The following ASH1L variants were observed in gnomAD, a reference collection of about 807,000 sequenced individuals.
ASH1L encodes the protein ASH1 like histone lysine methyltransferase, also known as histone-lysine N-methyltransferase ASH1L.
ASH1L carries 23 observed loss-of-function variants against 269.0 expected under a neutral mutation model. The ratio of observed to expected loss-of-function variants is 0.09; its 90% CI spans 0.06 to 0.12. The LOEUF is 0.12. Among genes scored for constraint, ASH1L ranks in the 10% least tolerant of loss-of-function variants. The pLI is 1.00. For synonymous variants in ASH1L, 1,187 were observed against 1,253.5 expected (o/e 0.95, Z 1.12); for missense variants, 2,912 against 3,567.8 (o/e 0.82, Z 4.68).
intron 7 of ASH1L, among the ~76,000 whole-genome samples, chr1:155,394,457 A>G (rs1443169760): frequency 6.6e-6 from 1 of 152,208 alleles, no homozygotes; most frequent in Non-Finnish European, 1.5e-5. Flanking sequence ...TGGAAACACA[A>G]CTGGAAATAG....
intron 4 of ASH1L, chr1:155,440,654 T>A: frequency 3.4e-6 from 1 of 296,802 alleles, no homozygotes; most frequent in Non-Finnish European, 5.0e-6. Context: ...AATGCTATAG[T>A]TTTTAAAAAC....
intron 4 of ASH1L, among the ~76,000 whole-genome samples, chr1:155,440,107 C>T (rs374972937): frequency 6.6e-6 from 1 of 151,790 alleles, no homozygotes; most frequent in Admixed American, 6.6e-5. Flanking sequence ...GCCAGGAGTT[C>T]GAGACTAGCC....
chr1:155,536,785 G>A (rs1397717296), intron 1 of ASH1L, among the ~76,000 whole-genome samples: 1 of 152,024 alleles, frequency 6.6e-6, no homozygotes, highest in Non-Finnish European at 1.5e-5. Flanking sequence ...GCTCATGCCT[G>A]TAATCCCAGC....
intron 16 of ASH1L, among the ~76,000 whole-genome samples, chr1:155,353,647 T>A (rs1223025812): frequency 6.6e-6 from 1 of 152,108 alleles, no homozygotes; most frequent in Non-Finnish European, 1.5e-5. Flanking sequence ...AGAAAGGAAA[T>A]CTGATGGTTT....
At chr1:155,388,151 ATGGGGGAGGGCACTAAGGT>A (rs1418088200) in intron 7 of ASH1L, among the ~76,000 whole-genome samples, 1 of 152,212 alleles carries the variant, frequency 6.6e-6, no homozygotes, top group Non-Finnish European at 1.5e-5. Context: ...TCAGGAGGCC[ATGGGGGAGGGCACTAAGGT>A]CCCTGATCCA....
At position 155,482,435 on chromosome 1, in the gene ASH1L, C is replaced by T; in HGVS notation, c.435G>A (p.Leu145=). 6.2e-7 allele frequency: 1 copy of T among 1,611,744 alleles called. No homozygotes were observed. Among genetic ancestry groups the T allele is most frequent in the Non-Finnish European group, 8.5e-7 (1 of 1,178,864 alleles). ...HCPSKRDPSK[L]YKKADDVAAI... is the part of the protein sequence containing the mutation. ...CTGCAACATCATCTGCTTTCTTGTA[C>T]AACTTTGAAGGGTCCTAAAATTTGA... The change falls in exon 3 of 28, where the codon TTG becomes TTA. Residue 145 remains leucine, a synonymous_variant. Coordinates refer to ENST00000392403, the MANE Select transcript of ASH1L (RefSeq NM_018489.3).
In ASH1L at chr1:155,344,172, T is replaced by C. The variant is rs1189063219; in HGVS notation, c.7981+11A>G. 11 of 1,612,666 alleles carry C rather than the reference T, an allele frequency of 6.8e-6. No individual in the cohort carries two copies. The highest frequency in any genetic ancestry group is 1.3e-5 in the African/African-American group (1 of 74,878). On this transcript the variant is annotated intron_variant, in intron 22 of 27. Transcript: ENST00000392403. ...ACCTCTGACAAGTAGGATTAGCTCC[T>C]GTATACATACCCTGACGAAGCAGCA...
At chr1:155,515,571 T>C (rs1039278158) in intron 2 of ASH1L, among the ~76,000 whole-genome samples, 1 of 152,118 alleles carries the variant, frequency 6.6e-6, no homozygotes, top group Non-Finnish European at 1.5e-5. Context: ...CTCACTCCTA[T>C]AATCCCAGCA....
In ASH1L at chr1:155,481,639, A is replaced by T; in HGVS notation, c.1231T>A (p.Cys411Ser). Residue 411 changes from cysteine (C) to serine (S), a missense_variant, in exon 3 of 28, where the codon TGT (cysteine) becomes AGT (serine). Transcript: ENST00000392403. ...TTACTGATCAGACCTGCCAAAGGAC[A>T]ACTCATTAGTTTCTTTCCAATGTCC... ...NKDIGKKLMS[C>S]PLAGLISKDA... is the part of the protein sequence containing the mutation. 1 of 1,614,152 alleles carries T rather than the reference A, an allele frequency of 6.2e-7. No individual in the cohort carries two copies. Among genetic ancestry groups the T allele is most frequent in the Non-Finnish European group, 8.5e-7 (1 of 1,180,012 alleles).
intron 1 of ASH1L, among the ~76,000 whole-genome samples, chr1:155,555,250 A>G (rs932002714): frequency 1.3e-5 from 2 of 151,624 alleles, no homozygotes; most frequent in Admixed American, 1.3e-4. Context: ...TAATGCCAAC[A>G]GTTTGGGAGG....
chr1:155,357,429 A>G lies in ASH1L; in HGVS notation c.6961-19T>C. ...GGCCTCTCTGAAAAAGAGATGGATC[A>G]GATTAGAGATTTAAAAAAATATCAG... On this transcript the variant is annotated intron_variant, in intron 14 of 27. Transcript: ENST00000392403. 6.2e-7 allele frequency: 1 copy of G among 1,601,726 alleles called. No individual in the cohort carries two copies. Among genetic ancestry groups the G allele is most frequent in the Middle Eastern group, 1.7e-4 (1 of 6,024 alleles).
rs535875268 is a variant in ASH1L, at chr1:155,361,030, C to T, written c.6687-621G>A. The stretch of plus-strand genomic sequence containing the variant: ...CCGAGGCAGGTGGATCACCTGAGGT[C>T]GGGAGTTTGAGACCAGCGTGGCCAA... On this transcript the variant is annotated intron_variant, in intron 12 of 27. Transcript: ENST00000392403. 2.3e-3 allele frequency among the ~76,000 whole-genome samples: 350 copies of T among 151,664 alleles called. 1 individual carries two copies. Among genetic ancestry groups the T allele is most frequent in the African/African-American group, 8.0e-3 (332 of 41,358 alleles).
intron 2 of ASH1L, among the ~76,000 whole-genome samples, chr1:155,501,689 A>G (rs147457733): frequency 2.4e-4 from 37 of 152,152 alleles, no homozygotes; most frequent in African/African-American, 8.7e-4. Context: ...TTTGAGACAG[A>G]GTCTCGCTCT....
chr1:155,476,550 T>C (rs1010376082), intron 3 of ASH1L, among the ~76,000 whole-genome samples: 10 of 151,840 alleles, frequency 6.6e-5, no homozygotes, highest in Admixed American at 1.3e-4. Flanking sequence ...AAGTCTTTTT[T>C]TGTTTTTTGT....
intron 5 of ASH1L, among the ~76,000 whole-genome samples, chr1:155,417,183 C>T (rs1660287915): frequency 6.6e-6 from 1 of 151,084 alleles, no homozygotes; most frequent in Non-Finnish European, 1.5e-5. Flanking sequence ...GATCTGCCCA[C>T]CTCAGCTTCC....
intron 2 of ASH1L, among the ~76,000 whole-genome samples, chr1:155,515,165 G>C (rs1418923336): frequency 3.9e-5 from 6 of 152,096 alleles, no homozygotes; most frequent in African/African-American, 1.4e-4. Context: ...AATGCCTGCC[G>C]CCAGCACTGA....
intron 5 of ASH1L, chr1:155,433,781 C>A (rs181343707): frequency 6.2e-7 from 1 of 1,605,194 alleles, no homozygotes; most frequent in South Asian, 1.1e-5. Context: ...GTGTAAGCTG[C>A]GGCCCTTGCT....
At chr1:155,369,436 G>T (rs1329719630) in intron 12 of ASH1L, among the ~76,000 whole-genome samples, 2 of 149,354 alleles carry the variant, frequency 1.3e-5, no homozygotes, top group Non-Finnish European at 3.0e-5. Context: ...AACAGAGCGA[G>T]ACTCCGTCTC....
intron 2 of ASH1L, among the ~76,000 whole-genome samples, chr1:155,488,338 C>G (rs1666468555): frequency 6.6e-6 from 1 of 151,496 alleles, no homozygotes; most frequent in African/African-American, 2.4e-5. Context: ...AATCCTGATA[C>G]TATATAAAAT....
Sources: allele counts gnomAD v4.1 joint callset (sites outside exome capture counted in the v4.1 genomes callset), GRCh38; gene constraint gnomAD v4.1.1; transcripts MANE v1.5; gene names NCBI Gene and HGNC (gene_info 2026-07-23, HGNC 2026-07-21).